Variants in LRFN2 observed in about 807,000 individuals in gnomAD.
LRFN2 encodes leucine rich repeat and fibronectin type III domain containing 2, also known as leucine-rich repeat and fibronectin type-III domain-containing protein 2.
In LRFN2, 18 loss-of-function variants were observed where a neutral mutation model predicts 37.3. The observed-to-expected ratio is 0.48, with a 90% CI of 0.33 to 0.72. LRFN2 has a LOEUF of 0.72. Among genes scored for constraint, LRFN2 ranks in the 30% least tolerant of loss-of-function variants. LRFN2 has a pLI of 0.02. For synonymous variants in LRFN2, 556 were observed against 466.6 expected (o/e 1.19, Z -2.47); for missense variants, 1,006 against 1,060.7 (o/e 0.95, Z 0.72).
At chr6:40,541,185 G>T (rs534423541) in intron 1 of LRFN2, among the ~76,000 whole-genome samples, 1 of 152,340 alleles carries the variant, frequency 6.6e-6, no homozygotes, top group South Asian at 2.1e-4. Context: ...CAGGCTCACA[G>T]TGAGTGGTCG....
intron 1 of LRFN2, among the ~76,000 whole-genome samples, chr6:40,541,244 T>C (rs1424191369): frequency 6.6e-6 from 1 of 152,180 alleles, no homozygotes; most frequent in Non-Finnish European, 1.5e-5. Context: ...GTAATGCTGC[T>C]GCACAGACAC....
chr6:40,551,197 T>C (rs1174389944), intron 1 of LRFN2, among the ~76,000 whole-genome samples: 1 of 152,038 alleles, frequency 6.6e-6, no homozygotes, highest in Non-Finnish European at 1.5e-5. Context: ...ACAAAGCGCT[T>C]AGGGGCAGGG....
intron 1 of LRFN2, among the ~76,000 whole-genome samples, chr6:40,569,997 CT>C (rs1767159501): frequency 6.6e-6 from 1 of 152,118 alleles, no homozygotes; most frequent in African/African-American, 2.4e-5. Context: ...CTGTGAATGT[CT>C]CCCTTCCCCA....
intron 1 of LRFN2, among the ~76,000 whole-genome samples, chr6:40,548,869 G>C (rs1766714034): frequency 6.6e-6 from 1 of 152,208 alleles, no homozygotes; most frequent in Non-Finnish European, 1.5e-5. Context: ...AGTTCACAGA[G>C]CACAGGGAAA....
intron 1 of LRFN2, among the ~76,000 whole-genome samples, chr6:40,555,181 G>A (rs1236160709): frequency 1.3e-5 from 2 of 152,206 alleles, no homozygotes; most frequent in Non-Finnish European, 2.9e-5. Context: ...CACCCCGCAA[G>A]GGCAAGCTGT....
At chr6:40,572,351 C>T (rs1295081196) in intron 1 of LRFN2, among the ~76,000 whole-genome samples, 3 of 152,150 alleles carry the variant, frequency 2.0e-5, no homozygotes, top group Admixed American at 6.5e-5. Flanking sequence ...TCAAGGGACC[C>T]GGGCCATTAT....
chr6:40,469,581 C>T (rs1053965136), intron 1 of LRFN2, among the ~76,000 whole-genome samples: 4 of 152,158 alleles, frequency 2.6e-5, no homozygotes, highest in Non-Finnish European at 5.9e-5. Context: ...ATCTCCATTG[C>T]ATTTCTCAGG....
At chr6:40,532,606 C>T (rs183976042) in intron 1 of LRFN2, among the ~76,000 whole-genome samples, 4 of 152,300 alleles carry the variant, frequency 2.6e-5, no homozygotes, top group Non-Finnish European at 5.9e-5. Flanking sequence ...GCCCTGCCTA[C>T]GGAAATCCTG....
intron 1 of LRFN2, among the ~76,000 whole-genome samples, chr6:40,541,490 G>A (rs778328501): frequency 5.3e-5 from 8 of 152,184 alleles, no homozygotes; most frequent in Admixed American, 2.0e-4. Flanking sequence ...AGAGGTGATA[G>A]GGCCTGGGTG....
At chr6:40,567,033 A>T (rs1050295729) in intron 1 of LRFN2, among the ~76,000 whole-genome samples, 2 of 151,692 alleles carry the variant, frequency 1.3e-5, no homozygotes, top group Non-Finnish European at 2.9e-5. Context: ...TTACAATATT[A>T]TGTCTGTAGC....
intron 1 of LRFN2, among the ~76,000 whole-genome samples, chr6:40,472,584 G>A (rs1473971549): frequency 2.0e-5 from 3 of 152,170 alleles, no homozygotes; most frequent in Non-Finnish European, 4.4e-5. Flanking sequence ...GATTCACCCC[G>A]TGTAAGCCGA....
chr6:40,493,212 G>A (rs1385073427), intron 1 of LRFN2, among the ~76,000 whole-genome samples: 1 of 151,920 alleles, frequency 6.6e-6, no homozygotes, highest in Non-Finnish European at 1.5e-5. Flanking sequence ...TCCCTCTATA[G>A]ATGCCCCCTG....
At chr6:40,501,930 T>C (rs1034912121) in intron 1 of LRFN2, among the ~76,000 whole-genome samples, 1 of 152,178 alleles carries the variant, frequency 6.6e-6, no homozygotes, top group Non-Finnish European at 1.5e-5. Context: ...GTGCATTTTG[T>C]CATTAGTGAC....
chr6:40,522,764 C>T (rs1286177827), intron 1 of LRFN2, among the ~76,000 whole-genome samples: 6 of 152,288 alleles, frequency 3.9e-5, no homozygotes, highest in East Asian at 3.9e-4. Context: ...AACCAGGCAG[C>T]TGCATCTATG....
intron 1 of LRFN2, among the ~76,000 whole-genome samples, chr6:40,536,155 C>T (rs1766445310): frequency 6.6e-6 from 1 of 151,982 alleles, no homozygotes; most frequent in South Asian, 2.1e-4. Flanking sequence ...AGGGGTGAGG[C>T]CTGGGCAAAC....
chr6:40,571,993 C>T (rs1211507156), intron 1 of LRFN2, among the ~76,000 whole-genome samples: 4 of 152,136 alleles, frequency 2.6e-5, no homozygotes, highest in Admixed American at 6.5e-5. Context: ...GGGGGGGCTC[C>T]GAAACAGGTT....
intron 1 of LRFN2, among the ~76,000 whole-genome samples, chr6:40,577,275 G>A (rs559261649): frequency 4.4e-4 from 67 of 151,874 alleles, no homozygotes; most frequent in South Asian, 1.3e-3. Context: ...CTAATTTTTC[G>A]TATTTTAGTA....
intron 1 of LRFN2, among the ~76,000 whole-genome samples, chr6:40,582,512 T>G: frequency 6.6e-6 from 1 of 152,028 alleles, no homozygotes. Context: ...CACCTATATC[T>G]TGTCTCTATA....
At chr6:40,491,080 T>G (rs200507729) in intron 1 of LRFN2, among the ~76,000 whole-genome samples, 2 of 152,256 alleles carry the variant, frequency 1.3e-5, no homozygotes, top group East Asian at 3.9e-4. Context: ...GGCGGTCACG[T>G]AGGGTCTTGC....
Sources: gnomAD v4.1 joint callset for allele counts (sites outside exome capture counted in the v4.1 genomes callset) on GRCh38, gnomAD v4.1.1 for gene constraint, MANE v1.5 for transcripts, NCBI Gene and HGNC (gene_info 2026-07-23, HGNC 2026-07-21) for gene names.